ALPK2: variants seen among roughly 807,000 people sequenced by gnomAD.
ALPK2 encodes the protein alpha kinase 2.
Under a neutral mutation model 163.1 loss-of-function variants are expected in ALPK2, and 127 were observed. The ratio of observed to expected loss-of-function variants is 0.78; its 90% confidence interval spans 0.67 to 0.90. The LOEUF (loss-of-function observed/expected upper bound fraction) is 0.90. ALPK2 is among the 40% of genes least tolerant of loss of function. The pLI is 0.00. For synonymous variants in ALPK2, 953 were observed against 959.1 expected (o/e 0.99, Z 0.12); for missense variants, 2,360 against 2,589.6 (o/e 0.91, Z 1.92).
At chr18:58,544,175 G>A (rs1275643500) in intron 4 of ALPK2, 1 of 152,200 alleles carries the variant, frequency 6.6e-6, no homozygotes, top group African/African-American at 2.4e-5. Context: ...ATTTAGTAAT[G>A]TTTCCAAGCC....
At chr18:58,562,890 G>T (rs2051832167) in intron 4 of ALPK2, among the ~76,000 whole-genome samples, 3 of 152,158 alleles carry the variant, frequency 2.0e-5, no homozygotes, top group Non-Finnish European at 4.4e-5. Flanking sequence ...CCTTACAAGG[G>T]TTCTAATCTG....
In ALPK2 at chr18:58,570,095, A is replaced by C. The variant is rs186310931; in HGVS notation, c.1962+8719T>G. 3.3e-3 allele frequency among the ~76,000 whole-genome samples: 477 copies of C among 146,486 alleles called. 1 individual carries two copies. The South Asian group carries it at 0.035, about 11-fold the overall frequency. On this transcript the variant is annotated intron_variant, in intron 4 of 12. Coordinates refer to ENST00000361673, the MANE Select transcript of ALPK2 (RefSeq NM_052947.4). ...CAGTGAGCCGAGATTGCGCCATTGC[A>C]CTCCAGCCTGGGTGACAGAGCGAGA...
intron 8 of ALPK2, among the ~76,000 whole-genome samples, chr18:58,521,641 T>TTTTTTTTTTTTTTTG: frequency 7.6e-6 from 1 of 132,446 alleles, no homozygotes. Context: ...TTTTTTTTTT[T>TTTTTTTTTTTTTTTG]TTTTTGAGAT....
intron 12 of ALPK2, among the ~76,000 whole-genome samples, chr18:58,494,059 G>A (rs1474281137): frequency 1.3e-5 from 2 of 152,122 alleles, no homozygotes; most frequent in African/African-American, 4.8e-5. Context: ...TTTGCAGTTC[G>A]GCTCCACTGC....
At chr18:58,492,730 G>A (rs1024221074) in intron 12 of ALPK2, among the ~76,000 whole-genome samples, 8 of 152,338 alleles carry the variant, frequency 5.3e-5, no homozygotes, top group Non-Finnish European at 1.0e-4. Context: ...TGGGCAGAGG[G>A]ACAACTAGGG....
At chr18:58,546,547 C>T (rs1051268842) in intron 4 of ALPK2, among the ~76,000 whole-genome samples, 4 of 152,188 alleles carry the variant, frequency 2.6e-5, no homozygotes, top group African/African-American at 7.2e-5. Flanking sequence ...CTTTTTAACA[C>T]ACGGCAGGCA....
chr18:58,496,408 C>T (rs2051401369), intron 12 of ALPK2, among the ~76,000 whole-genome samples: 1 of 152,218 alleles, frequency 6.6e-6, no homozygotes, highest in Non-Finnish European at 1.5e-5. Flanking sequence ...CAACATAAAA[C>T]TTCATCATCA....
intron 10 of ALPK2, chr18:58,512,394 A>T (rs1287890187): frequency 6.6e-6 from 1 of 152,062 alleles, no homozygotes; most frequent in Non-Finnish European, 1.5e-5. Context: ...TATCTCCAAG[A>T]CCTCACATGC....
chr18:58,535,727 G>A lies in ALPK2; in HGVS notation c.4460C>T (p.Ala1487Val). The change falls in exon 5 of 13, where the codon GCA (alanine) becomes GTA (valine). Residue 1487 changes from alanine (A) to valine (V), a missense_variant. By Grantham distance (64) the Ala-to-Val change is moderately conservative (BLOSUM62 0). Coordinates refer to ENST00000361673, the MANE Select transcript of ALPK2 (RefSeq NM_052947.4). ...QEAEQIQPEE[A>V]KTAIWQVLQP... ...CAGGACTTGCCAAATGGCAGTTTTT[G>A]CCTCCTCAGGTTGAATTTGTTCAGC... 1 of 1,614,164 alleles carries A rather than the reference G, an allele frequency of 6.2e-7. No individual in the cohort carries two copies. The highest frequency in any genetic ancestry group is 1.3e-5 in the African/African-American group (1 of 75,052).
At chr18:58,538,296 C>A in intron 4 of ALPK2, 72 bp from the exon 5 acceptor site, 1 of 1,332,220 alleles carries the variant, frequency 7.5e-7, no homozygotes, top group Non-Finnish European at 1.0e-6. Context: ...ACTGCAATCC[C>A]AAGAGTGTTA....
rs2051652861 is a variant in ALPK2, at chr18:58,536,953, A to G, written c.3234T>C (p.Ser1078=). ...GGACATGGTGTGGGACTCCTGGCAC[A>G]CTGGGTGCCCTGCAAAGTAGCTCTT... The part of the protein sequence containing the change: ...STKELLCRAP[S]VPGVPHHVLQ... The change falls in exon 5 of 13, where the codon AGT becomes AGC. Residue 1078 remains serine (S), a synonymous_variant. Coordinates refer to ENST00000361673, the MANE Select transcript of ALPK2 (RefSeq NM_052947.4). The G allele has an allele frequency of 1.2e-6, 2 of 1,614,192 alleles. No individual in the cohort carries two copies. The highest frequency in any genetic ancestry group is 1.7e-6 in the Non-Finnish European group (2 of 1,180,026).
intron 10 of ALPK2, among the ~76,000 whole-genome samples, 162 bp from the exon 11 acceptor site, chr18:58,504,310 A>T (rs2051450487): frequency 6.6e-6 from 1 of 152,098 alleles, no homozygotes; most frequent in South Asian, 2.1e-4. Context: ...AGTGGGTAAG[A>T]TATGTTTCTG....
intron 1 of ALPK2, among the ~76,000 whole-genome samples, chr18:58,615,570 G>A (rs78280455): frequency 5.4e-4 from 82 of 152,342 alleles, no homozygotes; most frequent in East Asian, 4.4e-3. Context: ...GGTAATCAGC[G>A]TAGTATAAGG....
intron 10 of ALPK2, among the ~76,000 whole-genome samples, chr18:58,509,126 C>T (rs2051476519): frequency 1.4e-5 from 2 of 145,234 alleles, no homozygotes; most frequent in Non-Finnish European, 3.0e-5. Context: ...TGAATGAGAA[C>T]ATGTGGTGTT....
chr18:58,549,835 AG>A (rs1156366390), intron 4 of ALPK2, among the ~76,000 whole-genome samples: 1 of 152,280 alleles, frequency 6.6e-6, no homozygotes, highest in Non-Finnish European at 1.5e-5. Context: ...CTGCATGGGT[AG>A]GTGGAAGGGT....
intron 11 of ALPK2, among the ~76,000 whole-genome samples, chr18:58,502,093 G>C (rs2051433952): frequency 6.7e-6 from 1 of 149,118 alleles, no homozygotes; most frequent in Non-Finnish European, 1.5e-5. Context: ...CTGAGTCCAG[G>C]AGTTCAAGAC....
intron 1 of ALPK2, among the ~76,000 whole-genome samples, chr18:58,627,214 T>C (rs2052235452): frequency 6.6e-6 from 1 of 152,162 alleles, no homozygotes; most frequent in South Asian, 2.1e-4. Flanking sequence ...AGGAGGCTGT[T>C]AAAAACTCAT....
At chr18:58,515,757 A>C (rs974122918) in intron 9 of ALPK2, among the ~76,000 whole-genome samples, 3 of 152,234 alleles carry the variant, frequency 2.0e-5, no homozygotes, top group Admixed American at 2.0e-4. Context: ...CACGATGCTT[A>C]ATGCTTGACT....
intron 6 of ALPK2, among the ~76,000 whole-genome samples, chr18:58,524,763 A>G (rs1484279286): frequency 6.6e-6 from 1 of 152,154 alleles, no homozygotes; most frequent in Non-Finnish European, 1.5e-5. Context: ...TGAGAGAACT[A>G]TGTTTACTAT....
Sources: allele counts gnomAD v4.1 joint callset (sites outside exome capture counted in the v4.1 genomes callset), GRCh38; gene constraint gnomAD v4.1.1; transcripts MANE v1.5; gene names NCBI Gene and HGNC (gene_info 2026-07-23, HGNC 2026-07-21).